The following VPS35L variants were observed in gnomAD, a reference collection of about 807,000 sequenced individuals.
VPS35L encodes the protein VPS35 endosomal protein-sorting factor-like.
VPS35L carries 83 observed loss-of-function variants against 133.0 expected under a neutral mutation model. The ratio of observed to expected loss-of-function variants is 0.62; its 90% CI spans 0.52 to 0.75. VPS35L has a LOEUF of 0.75. VPS35L is among the 30% of genes least tolerant of loss of function. The pLI is 0.00. For synonymous variants in VPS35L, 423 were observed against 449.9 expected, an observed-to-expected ratio of 0.94 and a Z score of 0.76; for missense variants, 1,083 against 1,206.8, an observed-to-expected ratio of 0.90 and a Z score of 1.52.
At chr16:19,685,773 G>A (rs956853868) in intron 28 of VPS35L, among the ~76,000 whole-genome samples, 6 of 152,074 alleles carry the variant, frequency 3.9e-5, no homozygotes, top group Non-Finnish European at 2.9e-5. Flanking sequence ...ATTTCTTGGC[G>A]TCTTTGTTTC....
At chr16:19,609,431 C>T (rs1389622511) in intron 11 of VPS35L, among the ~76,000 whole-genome samples, 2 of 152,108 alleles carry the variant, frequency 1.3e-5, no homozygotes, top group East Asian at 3.9e-4. Flanking sequence ...TGAGAGTCAC[C>T]CCTGGCACAC....
intron 27 of VPS35L, among the ~76,000 whole-genome samples, chr16:19,679,869 A>G (rs527773806): frequency 6.6e-6 from 1 of 152,234 alleles, no homozygotes; most frequent in African/African-American, 2.4e-5. Flanking sequence ...CCCCTCCACA[A>G]TTGTCCTCAC....
At chr16:19,683,724 T>A (rs1975364863) in intron 28 of VPS35L, among the ~76,000 whole-genome samples, 1 of 152,254 alleles carries the variant, frequency 6.6e-6, no homozygotes, top group Non-Finnish European at 1.5e-5. Flanking sequence ...AAGTTGATGC[T>A]ATGTTTTTGC....
At chr16:19,599,009 T>A (rs28678565) in intron 8 of VPS35L, among the ~76,000 whole-genome samples, 2,717 of 151,764 alleles carry the variant, frequency 0.018, 94 homozygotes, top group African/African-American at 0.063. Flanking sequence ...GGTTCTGGGG[T>A]CATCACAAGG....
intron 12 of VPS35L, among the ~76,000 whole-genome samples, chr16:19,613,717 GGTCTGGGGTTGGT>G (rs1016783180): frequency 6.6e-6 from 1 of 152,124 alleles, no homozygotes; most frequent in Admixed American, 6.5e-5. Context: ...CATGGGTTGG[GGTCTGGGGTTGGT>G]GTCTGGGTAC....
At chr16:19,682,508 T>A in intron 28 of VPS35L, 118 bp downstream of exon 28, 2 of 1,118,344 alleles carry the variant, frequency 1.8e-6, no homozygotes, top group Non-Finnish European at 2.5e-6. Flanking sequence ...CATGAACTTC[T>A]AGTCCAGGGT....
intron 19 of VPS35L, among the ~76,000 whole-genome samples, chr16:19,637,143 G>A (rs533763031): frequency 4.6e-5 from 7 of 152,362 alleles, no homozygotes; most frequent in African/African-American, 1.7e-4. Context: ...CTGCAATAGT[G>A]TTGAGTAGTT....
intron 7 of VPS35L, among the ~76,000 whole-genome samples, chr16:19,584,603 G>T (rs1971806745): frequency 6.7e-6 from 1 of 148,570 alleles, no homozygotes; most frequent in Non-Finnish European, 1.5e-5. Flanking sequence ...CTCCAACATG[G>T]GCAACAAGAG....
At chr16:19,574,403 C>T (rs1467371043) in intron 4 of VPS35L, among the ~76,000 whole-genome samples, 14 of 152,156 alleles carry the variant, frequency 9.2e-5, no homozygotes, top group Non-Finnish European at 1.8e-4. Context: ...TCATGGGCCA[C>T]GCATAGATGC....
chr16:19,698,180 A>G (rs1310560710), intron 29 of VPS35L, among the ~76,000 whole-genome samples: 3 of 152,138 alleles, frequency 2.0e-5, no homozygotes, highest in African/African-American at 7.2e-5. Flanking sequence ...TTGTTCCTTC[A>G]GGGTATTTGC....
chr16:19,621,364 G>A (rs759816149), intron 14 of VPS35L, among the ~76,000 whole-genome samples: 40 of 152,182 alleles, frequency 2.6e-4, no homozygotes, highest in Non-Finnish European at 7.3e-5. Flanking sequence ...GATGCATGTC[G>A]ATGTTGTTGG....
At position 19,663,253 on chromosome 16, in the gene VPS35L, T is replaced by C. The variant is rs555562228; in HGVS notation, c.2222-5907T>C. 3.4e-3 allele frequency among the ~76,000 whole-genome samples: 510 copies of C among 152,224 alleles called. 1 individual carries two copies. The highest frequency in any genetic ancestry group is 6.3e-3 in the Admixed American group (96 of 15,262). ...TTGAACCCAGGAGGTGGAGGTTGTG[T>C]TGAGCCAAGATCATGCCATTGCACT... On this transcript the variant is annotated intron_variant, in intron 26 of 30. Coordinates refer to ENST00000417362, the MANE Select transcript of VPS35L (RefSeq NM_020314.7).
chr16:19,654,522 T>A (rs1378263439), intron 26 of VPS35L, among the ~76,000 whole-genome samples: 2 of 149,072 alleles, frequency 1.3e-5, no homozygotes, highest in Non-Finnish European at 3.0e-5. Flanking sequence ...TCGCACCACT[T>A]GAGCAACAGA....
chr16:19,686,069 A>C (rs1975448527), intron 28 of VPS35L, among the ~76,000 whole-genome samples: 1 of 152,184 alleles, frequency 6.6e-6, no homozygotes, highest in Non-Finnish European at 1.5e-5. Context: ...ATGAAAACAG[A>C]AGGATGGATT....
chr16:19,663,841 T>C (rs1974574252), intron 26 of VPS35L, among the ~76,000 whole-genome samples: 1 of 152,132 alleles, frequency 6.6e-6, no homozygotes, highest in Non-Finnish European at 1.5e-5. Flanking sequence ...ACAGTTTACC[T>C]AGCATCTTCA....
chr16:19,661,856 C>T (rs1226129034), intron 26 of VPS35L, among the ~76,000 whole-genome samples: 1 of 152,164 alleles, frequency 6.6e-6, no homozygotes, highest in Non-Finnish European at 1.5e-5. Context: ...CTTCCATCTC[C>T]ACCTTGTCCT....
At chr16:19,623,195 G>C (rs1169757727) in intron 14 of VPS35L, among the ~76,000 whole-genome samples, 1 of 140,912 alleles carries the variant, frequency 7.1e-6, no homozygotes, top group African/African-American at 2.6e-5. Context: ...ATCTGCTTGG[G>C]CTCCCTTAAC....
At chr16:19,572,919 T>A (rs917727623) in intron 3 of VPS35L, among the ~76,000 whole-genome samples, 200 bp from the exon 4 acceptor site, 12 of 152,068 alleles carry the variant, frequency 7.9e-5, no homozygotes, top group Admixed American at 5.9e-4. Flanking sequence ...AAGTGATCCG[T>A]CCACCTTGGC....
At chr16:19,626,564 C>T (rs572631820) in intron 15 of VPS35L, among the ~76,000 whole-genome samples, 23 of 152,070 alleles carry the variant, frequency 1.5e-4, no homozygotes, top group Non-Finnish European at 2.9e-4. Flanking sequence ...GAGTTCGAGA[C>T]CAGCCTGGCC....
Sources: gnomAD v4.1 joint callset for allele counts (sites outside exome capture counted in the v4.1 genomes callset) on GRCh38, gnomAD v4.1.1 for gene constraint, MANE v1.5 for transcripts, NCBI Gene and HGNC (gene_info 2026-07-23, HGNC 2026-07-21) for gene names.